The following NUP210L variants were observed in gnomAD, a reference collection of about 807,000 sequenced individuals.
The protein encoded by NUP210L is nucleoporin 210 like.
In NUP210L, 74 loss-of-function variants were observed where a neutral mutation model predicts 208.5. The ratio of observed to expected loss-of-function variants is 0.35; its 90% CI spans 0.29 to 0.43. The LOEUF (loss-of-function observed/expected upper bound fraction) is 0.43. Ranked by LOEUF, NUP210L falls within the 20% of genes least tolerant of loss-of-function variation. NUP210L has a pLI of 1.00. For synonymous variants in NUP210L, 780 were observed against 816.9 expected, an observed-to-expected ratio of 0.95 and a Z score of 0.77; for missense variants, 1,843 against 2,289.4, an observed-to-expected ratio of 0.81 and a Z score of 3.98.
exon 35 of NUP210L, chr1:154,010,069 C>A: frequency 6.2e-7 from 1 of 1,613,812 alleles, no homozygotes; most frequent in Non-Finnish European, 8.5e-7. Flanking sequence ...GCATGAGGGT[C>A]GCTGGAAGAA....
Position 153,995,507 on chromosome 1 carries a change from C to T in NUP210L, c.5387-327G>A, listed in dbSNP as rs546081257. 5.3e-5 allele frequency: 32 copies of T among 603,876 alleles called. 1 individual carries two copies. Among genetic ancestry groups the T allele is most frequent in the Non-Finnish European group, 8.1e-5 (27 of 332,834 alleles). 37.4% of individuals were successfully genotyped at this position (603,876 alleles called of 1,614,324 possible). ...TTCCTATCTCCAGAGTAATACAACT[C>T]TCTAATTCTTGAGCTTGTTATTTCT... is the stretch of plus-strand genomic sequence containing the variant. On this transcript the variant is annotated intron_variant, in intron 37 of 39. Transcript: ENST00000368559.
chr1:154,022,077 A>T (rs779036399), intron 32 of NUP210L, 49 bp downstream of exon 32: 4 of 1,450,940 alleles, frequency 2.8e-6, no homozygotes, highest in Non-Finnish European at 3.9e-6. Flanking sequence ...CTGCTTTTTA[A>T]TCCCCACAAC....
chr1:154,056,830 A>C (rs2147990877), exon 23 of NUP210L: 1 of 1,586,854 alleles, frequency 6.3e-7, no homozygotes, highest in South Asian at 1.2e-5. Context: ...TGTGCCGAGG[A>C]GTTGATGTGT....
chr1:153,999,704 T>G (rs1007180429), intron 37 of NUP210L, among the ~76,000 whole-genome samples: 8 of 110,972 alleles, frequency 7.2e-5, no homozygotes, highest in African/African-American at 2.9e-4. Flanking sequence ...GACATTGCAC[T>G]CCAGCCTGGG....
At chr1:154,144,240 T>C (rs1422042911) in intron 2 of NUP210L, among the ~76,000 whole-genome samples, 2 of 152,160 alleles carry the variant, frequency 1.3e-5, no homozygotes, top group East Asian at 3.8e-4. Context: ...TGTAGTCGTA[T>C]TAAAGGATTA....
chr1:154,026,505 C>T (rs373106227), intron 29 of NUP210L, among the ~76,000 whole-genome samples: 1 of 151,918 alleles, frequency 6.6e-6, no homozygotes, highest in Non-Finnish European at 1.5e-5. Context: ...TGTGCAACCA[C>T]CCCTGGCTAA....
chr1:154,056,692 ATGG>A (rs1328783319), intron 23 of NUP210L, 120 bp downstream of exon 23: 10 of 972,906 alleles, frequency 1.0e-5, no homozygotes, highest in Non-Finnish European at 1.5e-5. Flanking sequence ...AAGTGCTCAC[ATGG>A]TGGTGTGAGC....
chr1:154,072,327 CTTT>C (rs1213732819), intron 16 of NUP210L, among the ~76,000 whole-genome samples: 4 of 80,282 alleles, frequency 5.0e-5, no homozygotes, highest in African/African-American at 1.7e-4. Flanking sequence ...ATGGCCATTC[CTTT>C]TTTTTTTTTT....
chr1:154,075,394 C>G (rs1390452158), intron 16 of NUP210L, among the ~76,000 whole-genome samples: 3 of 151,866 alleles, frequency 2.0e-5, no homozygotes, highest in Non-Finnish European at 4.4e-5. Context: ...TCCACTTACT[C>G]CAAGTTAATA....
intron 37 of NUP210L, among the ~76,000 whole-genome samples, chr1:153,999,539 A>G (rs1345883057): frequency 6.6e-6 from 1 of 152,062 alleles, no homozygotes; most frequent in East Asian, 1.9e-4. Context: ...GGAGTTCCAG[A>G]CCAGCCTGGC....
At chr1:153,998,273 G>A (rs1392753004) in intron 37 of NUP210L, among the ~76,000 whole-genome samples, 2 of 152,062 alleles carry the variant, frequency 1.3e-5, no homozygotes, top group African/African-American at 2.4e-5. Context: ...AAAGATGCAC[G>A]GCCAGGCGCA....
intron 7 of NUP210L, among the ~76,000 whole-genome samples, chr1:154,131,032 C>T (rs1658222117): frequency 6.6e-6 from 1 of 151,750 alleles, no homozygotes; most frequent in Non-Finnish European, 1.5e-5. Flanking sequence ...TTTGGGAGGC[C>T]GAGACGGGTG....
chr1:154,135,672 C>A, intron 7 of NUP210L, 142 bp downstream of exon 7: 1 of 626,528 alleles, frequency 1.6e-6, no homozygotes, highest in South Asian at 1.6e-5. Flanking sequence ...CAGCCCGCCT[C>A]GGCCTCCCAA....
At chr1:154,105,474 G>C (rs1656707815) in intron 12 of NUP210L, among the ~76,000 whole-genome samples, 1 of 84,936 alleles carries the variant, frequency 1.2e-5, no homozygotes, top group African/African-American at 4.5e-5. Context: ...AGGTGACAGA[G>C]CAAAAATCCG....
chr1:154,042,727 C>CT (rs57621544), intron 27 of NUP210L, among the ~76,000 whole-genome samples: 7 of 149,402 alleles, frequency 4.7e-5, no homozygotes, highest in African/African-American at 1.7e-4. Context: ...CGCGCCTGGC[C>CT]TTTTTTTTCT....
intron 37 of NUP210L, among the ~76,000 whole-genome samples, chr1:153,995,383 A>T (rs1323789948): frequency 6.6e-6 from 1 of 152,282 alleles, no homozygotes; most frequent in Non-Finnish European, 1.5e-5. Context: ...TAGTAATAAG[A>T]GTATCTGCCA....
At chr1:154,152,596 G>A (rs1029335650) in intron 2 of NUP210L, 140 bp downstream of exon 2, 16 of 718,670 alleles carry the variant, frequency 2.2e-5, no homozygotes, top group African/African-American at 7.2e-5. Flanking sequence ...AAAGGCGTGA[G>A]CCACTGCAGC....
intron 17 of NUP210L, among the ~76,000 whole-genome samples, chr1:154,064,038 G>C (rs1654271783): frequency 1.3e-5 from 2 of 149,776 alleles, no homozygotes; most frequent in Non-Finnish European, 1.5e-5. Flanking sequence ...TATTTTATAT[G>C]CATAAATATA....
intron 27 of NUP210L, among the ~76,000 whole-genome samples, chr1:154,045,817 A>C (rs1653144068): frequency 6.6e-6 from 1 of 151,958 alleles, no homozygotes; most frequent in African/African-American, 2.4e-5. Context: ...ACCCCATCTC[A>C]ACAAAAAAGT....
Sources: allele counts gnomAD v4.1 joint callset (sites outside exome capture counted in the v4.1 genomes callset), GRCh38; gene constraint gnomAD v4.1.1; transcripts MANE v1.5; gene names NCBI Gene and HGNC (gene_info 2026-07-23, HGNC 2026-07-21).